Variants in MALRD1 observed in about 807,000 individuals in gnomAD.
MALRD1 encodes the protein MAM and LDL receptor class A domain containing 1.
A neutral mutation model predicts 242.1 loss-of-function variants in MALRD1; 247 were observed. That is an observed-to-expected ratio of 1.02 (90% confidence interval 0.92 to 1.13). The LOEUF (loss-of-function observed/expected upper bound fraction) is 1.13, where lower values mean the gene tolerates loss of function less well. Among genes scored for constraint, MALRD1 ranks in the 50% most tolerant of loss-of-function variants. MALRD1 has a pLI of 0.00. For synonymous variants in MALRD1, 995 were observed against 866.6 expected (o/e 1.15, Z -2.60); for missense variants, 2,989 against 2,533.1 (o/e 1.18, Z -3.86).
At chr10:19,329,613 T>C (rs1054140257) in intron 23 of MALRD1, among the ~76,000 whole-genome samples, 5 of 152,180 alleles carry the variant, frequency 3.3e-5, no homozygotes, top group Non-Finnish European at 5.9e-5. Context: ...ACCCAGATGT[T>C]AGGTCTTTTG....
At chr10:19,370,930 A>T (rs1159965225) in intron 26 of MALRD1, among the ~76,000 whole-genome samples, 4 of 151,938 alleles carry the variant, frequency 2.6e-5, no homozygotes, top group East Asian at 3.9e-4. Flanking sequence ...ATTTAAAATT[A>T]TAAAAGCTGT....
At chr10:19,309,845 G>T (rs1275534811) in intron 21 of MALRD1, among the ~76,000 whole-genome samples, 1 of 151,398 alleles carries the variant, frequency 6.6e-6, no homozygotes. Context: ...GAAACAGCTG[G>T]CACAAAGAAT....
intron 28 of MALRD1, among the ~76,000 whole-genome samples, chr10:19,426,996 G>A (rs991263191): frequency 2.0e-5 from 3 of 152,046 alleles, no homozygotes; most frequent in African/African-American, 7.2e-5. Flanking sequence ...AATGACTGTC[G>A]CTATGAAGAA....
intron 36 of MALRD1, among the ~76,000 whole-genome samples, chr10:19,649,933 C>A (rs2131702347): frequency 6.6e-6 from 1 of 152,222 alleles, no homozygotes; most frequent in Admixed American, 6.5e-5. Context: ...CAGCTTCAAT[C>A]TTCTGCATAT....
chr10:19,514,678 A>G (rs1589181541), intron 31 of MALRD1, among the ~76,000 whole-genome samples: 1 of 152,172 alleles, frequency 6.6e-6, no homozygotes, highest in Non-Finnish European at 1.5e-5. Context: ...ACCTTAGTTC[A>G]TTTAATAAAC....
intron 32 of MALRD1, among the ~76,000 whole-genome samples, chr10:19,535,375 G>A (rs1176732038): frequency 6.6e-6 from 1 of 151,780 alleles, no homozygotes; most frequent in East Asian, 1.9e-4. Flanking sequence ...AGATTGTTAA[G>A]GAATATGTGT....
chr10:19,380,267 G>A (rs189802792), intron 26 of MALRD1, among the ~76,000 whole-genome samples: 28 of 117,978 alleles, frequency 2.4e-4, no homozygotes, highest in Non-Finnish European at 4.5e-4. Context: ...GAGCCACTGC[G>A]GCCAGCCTTC....
intron 38 of MALRD1, among the ~76,000 whole-genome samples, chr10:19,724,095 C>T (rs942271701): frequency 6.6e-6 from 1 of 152,022 alleles, no homozygotes; most frequent in Non-Finnish European, 1.5e-5. Flanking sequence ...CTTTTGAGCT[C>T]ATTTTTCTTT....
At chr10:19,515,097 T>C (rs1434146296) in intron 31 of MALRD1, among the ~76,000 whole-genome samples, 1 of 152,180 alleles carries the variant, frequency 6.6e-6, no homozygotes, top group Non-Finnish European at 1.5e-5. Flanking sequence ...AAAAAATCTT[T>C]TTTACTTAAC....
chr10:19,588,669 G>T (rs1837580742), intron 33 of MALRD1, among the ~76,000 whole-genome samples: 1 of 152,200 alleles, frequency 6.6e-6, no homozygotes, highest in East Asian at 1.9e-4. Context: ...TAGAGACGGA[G>T]TCTTGCTCTG....
chr10:19,172,677 C>T (rs922765301), intron 13 of MALRD1, among the ~76,000 whole-genome samples: 2 of 151,270 alleles, frequency 1.3e-5, no homozygotes, highest in African/African-American at 2.4e-5. Flanking sequence ...TTTTTTTCCT[C>T]CAGTTTTCTC....
At chr10:19,060,639 A>C (rs1834796619) in intron 1 of MALRD1, among the ~76,000 whole-genome samples, 1 of 152,204 alleles carries the variant, frequency 6.6e-6, no homozygotes, top group East Asian at 1.9e-4. Flanking sequence ...TTCAAGGACC[A>C]ATTCTTAGTC....
At chr10:19,610,239 C>A (rs1323172722) in intron 35 of MALRD1, among the ~76,000 whole-genome samples, 1 of 151,822 alleles carries the variant, frequency 6.6e-6, no homozygotes, top group African/African-American at 2.4e-5. Context: ...GTTGAAGAGC[C>A]TCTCTCCTAG....
At position 19,734,303 on chromosome 10, in the gene MALRD1, A is replaced by G; in HGVS notation, c.*66A>G. 1.6e-6 allele frequency: 2 copies of G among 1,241,346 alleles called. No homozygotes were observed. Among genetic ancestry groups the G allele is most frequent in the Non-Finnish European group, 2.3e-6 (2 of 886,348 alleles). The allele number at this position is 1,241,346 out of a possible 1,614,324, so 76.9% of individuals were successfully genotyped here. ...AGAAAATTGAAGTCTCCACAATCTG[A>G]TAGAAACTCATCTTCTACAATGGTA... is the stretch of plus-strand genomic sequence containing the variant. On this transcript the variant is annotated 3_prime_UTR_variant, in exon 40 of 40. Transcript: ENST00000454679.
intron 18 of MALRD1, among the ~76,000 whole-genome samples, chr10:19,211,490 C>A (rs556095755): frequency 2.2e-4 from 34 of 151,620 alleles, no homozygotes; most frequent in Middle Eastern, 6.9e-3. Flanking sequence ...GTCAGGAGAT[C>A]AAGACCAGCC....
intron 32 of MALRD1, among the ~76,000 whole-genome samples, chr10:19,551,621 C>T (rs1015431039): frequency 4.6e-5 from 7 of 152,104 alleles, no homozygotes; most frequent in Non-Finnish European, 7.4e-5. Context: ...ATTGCCCTGG[C>T]CTGGACTTTG....
At chr10:19,509,249 C>T (rs61841371) in intron 31 of MALRD1, among the ~76,000 whole-genome samples, 14,708 of 152,182 alleles carry the variant, frequency 0.097, 733 homozygotes, top group South Asian at 0.11. Context: ...CTCCACCCTT[C>T]AGTGTGAGCA....
chr10:19,730,860 A>C (rs753747290), intron 39 of MALRD1, 79 bp downstream of exon 39: 68 of 1,265,450 alleles, frequency 5.4e-5, no homozygotes, highest in Non-Finnish European at 6.2e-5. Flanking sequence ...AGGCTGAACC[A>C]GTGTTGCTTG....
At chr10:19,373,669 C>G (rs184072469) in intron 26 of MALRD1, among the ~76,000 whole-genome samples, 94 of 152,256 alleles carry the variant, frequency 6.2e-4, no homozygotes, top group African/African-American at 2.0e-3. Flanking sequence ...TTAAGTTTCT[C>G]ACACGTGTAT....
Sources: allele counts gnomAD v4.1 joint callset (sites outside exome capture counted in the v4.1 genomes callset), GRCh38; gene constraint gnomAD v4.1.1; transcripts MANE v1.5; gene names NCBI Gene and HGNC (gene_info 2026-07-23, HGNC 2026-07-21).